The following KDM3A variants were observed in gnomAD, a reference collection of about 807,000 sequenced individuals.
The protein encoded by KDM3A is lysine demethylase 3A.
Under a neutral mutation model 158.0 loss-of-function variants are expected in KDM3A, and 60 were observed. The observed-to-expected ratio is 0.38, with a 90% CI of 0.31 to 0.47. The LOEUF (loss-of-function observed/expected upper bound fraction) is 0.47. KDM3A is among the 20% of genes least tolerant of loss of function. KDM3A has a pLI of 0.99. For synonymous variants in KDM3A, 608 were observed against 549.3 expected, an observed-to-expected ratio of 1.11 and a Z score of -1.49; for missense variants, 1,319 against 1,574.3, an observed-to-expected ratio of 0.84 and a Z score of 2.74.
intron 10 of KDM3A, among the ~76,000 whole-genome samples, chr2:86,468,358 A>G (rs1016873056): frequency 2.6e-5 from 4 of 152,128 alleles, no homozygotes; most frequent in African/African-American, 9.7e-5. Flanking sequence ...TCCTTGTTCT[A>G]TTTGTTGTTT....
chr2:86,483,756 C>T, intron 18 of KDM3A: 2 of 372,094 alleles, frequency 5.4e-6, no homozygotes, highest in South Asian at 9.5e-5. Flanking sequence ...GATCCTTTCT[C>T]CTAGATGCTT....
At chr2:86,472,265 C>A (rs1673453738) in intron 11 of KDM3A, among the ~76,000 whole-genome samples, 1 of 151,680 alleles carries the variant, frequency 6.6e-6, no homozygotes, top group Admixed American at 6.6e-5. Context: ...GGGAAAGTAC[C>A]TTTGCCTAAT....
At chr2:86,490,686 A>G in intron 23 of KDM3A, 195 bp from the exon 24 acceptor site, 1 of 518,884 alleles carries the variant, frequency 1.9e-6, no homozygotes, top group Non-Finnish European at 3.4e-6. Flanking sequence ...AACTGACATC[A>G]CATTTTCTTC....
intron 10 of KDM3A, among the ~76,000 whole-genome samples, chr2:86,469,734 AT>A (rs1264824888): frequency 1.3e-5 from 2 of 152,154 alleles, no homozygotes; most frequent in Non-Finnish European, 2.9e-5. Context: ...GTTTATTGTT[AT>A]TTTTAGAATG....
At chr2:86,467,865 T>C (rs748056795) in intron 10 of KDM3A, among the ~76,000 whole-genome samples, 1 of 151,816 alleles carries the variant, frequency 6.6e-6, no homozygotes, top group East Asian at 1.9e-4. Flanking sequence ...CACAAAAAAT[T>C]TTTTTAAAAA....
At chr2:86,478,436 ATAGT>A (rs1673766556) in intron 14 of KDM3A, among the ~76,000 whole-genome samples, 168 bp from the exon 15 acceptor site, 1 of 152,176 alleles carries the variant, frequency 6.6e-6, no homozygotes, top group African/African-American at 2.4e-5. Context: ...GTTTTGTGGG[ATAGT>A]TTTGTAGTAG....
In KDM3A at chr2:86,478,590, C is replaced by G; in HGVS notation, c.2189-18C>G. 6.2e-7 allele frequency: 1 copy of G among 1,612,974 alleles called. No homozygotes were observed. The highest frequency in any genetic ancestry group is 8.5e-7 in the Non-Finnish European group (1 of 1,179,492). ...CCTAATATCCTTGTTCAGATGTTTG[C>G]CTCTGCCCTTTCTTTAGCACTCTAT... is the stretch of plus-strand genomic sequence containing the variant. On this transcript the variant is annotated intron_variant, in intron 14 of 25. Coordinates refer to ENST00000312912, the MANE Select transcript of KDM3A (RefSeq NM_018433.6).
At chr2:86,469,709 G>A (rs1015780413) in intron 10 of KDM3A, among the ~76,000 whole-genome samples, 19 of 152,136 alleles carry the variant, frequency 1.2e-4, no homozygotes, top group Admixed American at 1.2e-3. Context: ...CAGGGGCTAC[G>A]TAGGAAAGTG....
rs2104691517 is a variant in KDM3A, at chr2:86,478,163, T to C, written c.2093-7T>C. The C allele has an allele frequency of 6.2e-7, 1 of 1,613,372 alleles. No homozygotes were observed. Among genetic ancestry groups the C allele is most frequent in the Admixed American group, 1.7e-5 (1 of 59,996 alleles). On this transcript the variant is annotated splice_region_variant and splice_polypyrimidine_tract_variant and intron_variant, in intron 13 of 25. Transcript: ENST00000312912. ...AAGAACAGTTACTACAAATCAGTTA[T>C]TTGCAGGTGCTGCTTACAAGACTTT...
intron 21 of KDM3A, 81 bp from the exon 22 acceptor site, chr2:86,489,237 A>G (rs1453259156): frequency 2.0e-6 from 3 of 1,488,206 alleles, no homozygotes; most frequent in Non-Finnish European, 2.7e-6. Flanking sequence ...TCAGGGACCT[A>G]CCATCCCCCA....
chr2:86,447,758 T>G (rs1683015141), intron 2 of KDM3A, among the ~76,000 whole-genome samples: 1 of 152,216 alleles, frequency 6.6e-6, no homozygotes, highest in African/African-American at 2.4e-5. Flanking sequence ...AGTATTTTAT[T>G]TTATACATGT....
At chr2:86,474,079 CCTT>C (rs1161231130) in intron 11 of KDM3A, among the ~76,000 whole-genome samples, 1 of 152,160 alleles carries the variant, frequency 6.6e-6, no homozygotes, top group Non-Finnish European at 1.5e-5. Context: ...TTATTTATCA[CCTT>C]CTGTTTGTTA....
chr2:86,483,708 C>T (rs916238320), intron 18 of KDM3A: 14 of 208,208 alleles, frequency 6.7e-5, no homozygotes, highest in African/African-American at 2.3e-4. Flanking sequence ...CTTCACAGTC[C>T]GTCTTGCTGT....
intron 11 of KDM3A, among the ~76,000 whole-genome samples, chr2:86,473,677 G>GA (rs1219046541): frequency 6.6e-6 from 1 of 152,136 alleles, no homozygotes; most frequent in Non-Finnish European, 1.5e-5. Flanking sequence ...TGAAGTCTGG[G>GA]AGTGGGGGTT....
chr2:86,490,300 G>C (rs1674393389), intron 23 of KDM3A: 1 of 152,766 alleles, frequency 6.5e-6, no homozygotes, highest in Non-Finnish European at 1.5e-5. Flanking sequence ...ATGAGTCTTG[G>C]ATATGAACAT....
chr2:86,444,930 A>G (rs1335781113), intron 2 of KDM3A, among the ~76,000 whole-genome samples: 1 of 152,232 alleles, frequency 6.6e-6, no homozygotes, highest in Non-Finnish European at 1.5e-5. Flanking sequence ...GTGGATAACT[A>G]TGATTAAATG....
rs1302606351 is a variant in KDM3A, at chr2:86,475,010, G to C, written c.1939+20G>C. 6.3e-7 allele frequency: 1 copy of C among 1,591,378 alleles called. No homozygotes were observed. The highest frequency in any genetic ancestry group is 8.6e-7 in the Non-Finnish European group (1 of 1,163,694). On this transcript the variant is annotated intron_variant, in intron 12 of 25. Transcript: ENST00000312912. The stretch of plus-strand genomic sequence containing the variant: ...CACACAGTAAGAGCATCTCTTAGGG[G>C]GTAGGATTTTCGAGCCCAATTTGAT...
rs1374889457 is a variant in KDM3A, at chr2:86,491,347, AAG to A, written c.3885+77_3885+78del. On this transcript the variant is annotated intron_variant, in intron 25 of 25. Coordinates refer to ENST00000312912, the MANE Select transcript of KDM3A (RefSeq NM_018433.6). The stretch of plus-strand genomic sequence containing the variant: ...TTCATGGCCCATTCTTCACCTTATA[AAG>A]AGAGTCAGTGAACTTGGCCATATCG... The A allele has an allele frequency of 8.0e-6, 12 of 1,501,414 alleles. No individual in the cohort carries two copies. The East Asian group carries it at 2.5e-4, about 31-fold the overall frequency. The allele number at this position is 1,501,414 out of a possible 1,614,324, so 93.0% of individuals were successfully genotyped here. A position where few individuals can be genotyped will look rare whatever the true frequency, so the allele number is the denominator to read the frequency against.
At chr2:86,480,466 C>A in intron 16 of KDM3A, 104 bp downstream of exon 16, 1 of 959,164 alleles carries the variant, frequency 1.0e-6, no homozygotes, top group Non-Finnish European at 1.5e-6. Flanking sequence ...GAAAGTGCTT[C>A]TCTGGAGTCA....
Sources: gnomAD v4.1 joint callset for allele counts (sites outside exome capture counted in the v4.1 genomes callset) on GRCh38, gnomAD v4.1.1 for gene constraint, MANE v1.5 for transcripts, NCBI Gene and HGNC (gene_info 2026-07-23, HGNC 2026-07-21) for gene names.